The following NRG2 variants were observed in gnomAD, a reference collection of about 807,000 sequenced individuals.
The protein encoded by NRG2 is neuregulin 2.
Under a neutral mutation model 73.9 loss-of-function variants are expected in NRG2, and 27 were observed. That is an observed-to-expected ratio of 0.37 (90% CI 0.27 to 0.50). The LOEUF (loss-of-function observed/expected upper bound fraction) is 0.50. NRG2 is among the 20% of genes least tolerant of loss of function. The probability of loss-of-function intolerance (pLI) is 0.96; values close to 1 mark genes in which losing one functional copy is unlikely to be tolerated. For synonymous variants in NRG2, 532 were observed against 541.0 expected (o/e 0.98, Z 0.23); for missense variants, 1,126 against 1,210.1 (o/e 0.93, Z 1.03).
intron 1 of NRG2, among the ~76,000 whole-genome samples, chr5:140,020,577 A>C (rs1760140145): frequency 6.6e-6 from 1 of 152,240 alleles, no homozygotes; most frequent in African/African-American, 2.4e-5. Flanking sequence ...CATATGTTCA[A>C]GCTAACCTTT....
chr5:139,888,295 A>C (rs554448023), intron 1 of NRG2, among the ~76,000 whole-genome samples: 2 of 152,324 alleles, frequency 1.3e-5, no homozygotes, highest in African/African-American at 4.8e-5. Flanking sequence ...AGGCAGTGTC[A>C]TACTGACACT....
intron 1 of NRG2, among the ~76,000 whole-genome samples, chr5:139,927,719 G>C (rs1752164460): frequency 1.4e-5 from 2 of 144,900 alleles, no homozygotes; most frequent in South Asian, 4.4e-4. Flanking sequence ...AGCCAAGATC[G>C]CACTGTTGCA....
chr5:139,916,249 T>C (rs1231372145), intron 1 of NRG2, among the ~76,000 whole-genome samples: 1 of 152,170 alleles, frequency 6.6e-6, no homozygotes, highest in Non-Finnish European at 1.5e-5. Context: ...TTTGTAACTA[T>C]TGTGAGGCAG....
chr5:139,914,915 C>T (rs141774332), intron 1 of NRG2, among the ~76,000 whole-genome samples: 637 of 152,284 alleles, frequency 4.2e-3, no homozygotes, highest in Non-Finnish European at 7.3e-3. Flanking sequence ...TGTAGGCCCC[C>T]CAGCTGGTTA....
chr5:139,946,890 T>A (rs571956857), intron 1 of NRG2, among the ~76,000 whole-genome samples: 18 of 152,160 alleles, frequency 1.2e-4, no homozygotes, highest in South Asian at 6.2e-4. Context: ...CCAAAGAATA[T>A]ATACAAATGG....
At chr5:139,899,786 G>A (rs1292085507) in intron 1 of NRG2, among the ~76,000 whole-genome samples, 1 of 152,192 alleles carries the variant, frequency 6.6e-6, no homozygotes, top group East Asian at 1.9e-4. Context: ...GAGATCCTCT[G>A]CCTCTCCCTG....
chr5:139,943,672 G>A (rs2060296), intron 1 of NRG2, among the ~76,000 whole-genome samples: 51,943 of 152,068 alleles, frequency 0.34, 11,038 homozygotes, highest in East Asian at 0.51. Flanking sequence ...ACAGTACATT[G>A]TGTTTCAAAA....
rs1400989292 is a variant in NRG2 at position 139,868,142 on chromosome 5, G to A, written c.1113-2517C>T. 6.6e-6 allele frequency among the ~76,000 whole-genome samples: 1 copy of A among 152,064 alleles called. No homozygotes were observed. Among genetic ancestry groups the A allele is most frequent in the African/African-American group, 2.4e-5 (1 of 41,378 alleles). On this transcript the variant is annotated intron_variant, in intron 4 of 9. Coordinates refer to ENST00000361474, the MANE Select transcript of NRG2 (RefSeq NM_004883.3). This position sits in a 1 kb window ranked among gnomAD's most constrained non-coding sequence, Gnocchi z 4.2. The stretch of plus-strand genomic sequence containing the variant: ...TGGGGAGGGGCACAGTGGGGGTGGT[G>A]GAAGGCTGACAGCTACTGCTGTTCT...
At chr5:139,974,083 C>G (rs990135371) in intron 1 of NRG2, among the ~76,000 whole-genome samples, 2 of 152,044 alleles carry the variant, frequency 1.3e-5, no homozygotes, top group Non-Finnish European at 2.9e-5. Flanking sequence ...AAACTAGGAG[C>G]CACTTACAAT....
intron 3 of NRG2, among the ~76,000 whole-genome samples, chr5:139,877,599 C>T (rs889833541): frequency 6.6e-6 from 1 of 152,242 alleles, no homozygotes; most frequent in African/African-American, 2.4e-5. Context: ...TGGTCCCCAG[C>T]AGTGGCCCTG....
chr5:140,039,769 C>T (rs972729619), intron 1 of NRG2, among the ~76,000 whole-genome samples: 2 of 152,262 alleles, frequency 1.3e-5, no homozygotes, highest in African/African-American at 4.8e-5. Flanking sequence ...ACACTCAGAC[C>T]TGAAACTAGC....
chr5:139,987,323 G>A (rs1300719003), intron 1 of NRG2, among the ~76,000 whole-genome samples: 4 of 142,642 alleles, frequency 2.8e-5, no homozygotes, highest in East Asian at 4.1e-4. Flanking sequence ...AGCTGAGATC[G>A]CGCCACTGCG....
intron 1 of NRG2, among the ~76,000 whole-genome samples, chr5:139,938,912 A>G (rs959960238): frequency 5.5e-4 from 58 of 104,534 alleles, no homozygotes; most frequent in African/African-American, 1.8e-3. Flanking sequence ...AAGAAAAGAA[A>G]GAAAGAAAGA....
Position 139,852,642 on chromosome 5 carries a change from A to T in NRG2, c.1417-83T>A. 6.4e-7 allele frequency: 1 copy of T among 1,554,254 alleles called. No homozygotes were observed. Among genetic ancestry groups the T allele is most frequent in the Non-Finnish European group, 8.7e-7 (1 of 1,144,852 alleles). ...TGTTGGGGACAGGGAAGTGATGAGC[A>T]CTGACTGAGCTCCTGGTTGGGGAGA... On this transcript the variant is annotated intron_variant, in intron 7 of 9. Transcript: ENST00000361474. This position sits in a 1 kb window ranked among gnomAD's most constrained non-coding sequence, Gnocchi z 4.4.
Position 139,979,317 on chromosome 5 carries a change from T to C in NRG2, c.700+63053A>G, listed in dbSNP as rs1756617535. ...TCTAAATCTACCACTTCACAACTCT[T>C]TGATCACGAGTAGAGCCCCTCACCT... is the stretch of plus-strand genomic sequence containing the variant. On this transcript the variant is annotated intron_variant, in intron 1 of 9. Coordinates refer to ENST00000361474, the MANE Select transcript of NRG2 (RefSeq NM_004883.3). 3.3e-5 allele frequency among the ~76,000 whole-genome samples: 5 copies of C among 152,184 alleles called. No homozygotes were observed. In the South Asian group the frequency reaches 1.0e-3, roughly 32 times the overall value.
At chr5:139,933,218 T>G (rs910741664) in intron 1 of NRG2, among the ~76,000 whole-genome samples, 2 of 151,884 alleles carry the variant, frequency 1.3e-5, no homozygotes, top group Non-Finnish European at 2.9e-5. Context: ...GAGGTTGCAG[T>G]GAGCTGAGAT....
At chr5:140,013,843 G>A (rs1759558534) in intron 1 of NRG2, among the ~76,000 whole-genome samples, 1 of 152,156 alleles carries the variant, frequency 6.6e-6, no homozygotes, top group Admixed American at 6.5e-5. Flanking sequence ...TCTAATTGGT[G>A]AACATTCTTC....
intron 1 of NRG2, among the ~76,000 whole-genome samples, chr5:139,952,498 C>T (rs1208984868): frequency 6.6e-6 from 1 of 152,194 alleles, no homozygotes. Flanking sequence ...AAGGAATCTG[C>T]TAAGAGCAGC....
At chr5:139,873,861 T>C (rs570209299) in intron 3 of NRG2, among the ~76,000 whole-genome samples, 1 of 152,358 alleles carries the variant, frequency 6.6e-6, no homozygotes, top group Admixed American at 6.5e-5. Context: ...ATCGAGGCTT[T>C]GGGAGGCTAA....
Sources: gnomAD v4.1 joint callset for allele counts (sites outside exome capture counted in the v4.1 genomes callset) on GRCh38, gnomAD v4.1.1 for gene constraint, Gnocchi (gnomAD v3.1) non-coding constraint, MANE v1.5 for transcripts, NCBI Gene and HGNC (gene_info 2026-07-23, HGNC 2026-07-21) for gene names.